RALYL: variants seen among roughly 807,000 people sequenced by gnomAD.
RALYL encodes RALY RNA binding protein like.
Under a neutral mutation model 35.1 loss-of-function variants are expected in RALYL, and 29 were observed. The ratio of observed to expected loss-of-function variants is 0.83; its 90% confidence interval spans 0.61 to 1.13. The LOEUF is 1.13. Ranked by LOEUF, RALYL falls within the 50% of genes most tolerant of loss-of-function variation. RALYL has a pLI of 0.00. For missense variants in RALYL, 359 were observed against 360.4 expected (o/e 1.00, Z 0.03); for synonymous variants, 120 against 127.6 (o/e 0.94, Z 0.40).
intron 2 of RALYL, among the ~76,000 whole-genome samples, chr8:84,701,901 A>T (rs1840268326): frequency 6.6e-6 from 1 of 152,086 alleles, no homozygotes; most frequent in Non-Finnish European, 1.5e-5. Context: ...GTATCCCTTC[A>T]CCTCACATGG....
At chr8:84,343,214 T>C (rs73294916) in intron 1 of RALYL, among the ~76,000 whole-genome samples, 9,969 of 152,208 alleles carry the variant, frequency 0.065, 423 homozygotes, top group African/African-American at 0.087. Flanking sequence ...ATACTATTAA[T>C]GAGTTATATT....
intron 2 of RALYL, among the ~76,000 whole-genome samples, chr8:84,539,878 GTATA>G (rs371459024): frequency 0.049 from 3,684 of 75,118 alleles, 115 homozygotes; most frequent in East Asian, 0.14. Flanking sequence ...ATATATATAT[GTATA>G]TATATGTGTG....
chr8:84,607,608 G>A (rs1817425149), intron 2 of RALYL, among the ~76,000 whole-genome samples: 1 of 152,102 alleles, frequency 6.6e-6, no homozygotes, highest in African/African-American at 2.4e-5. Flanking sequence ...TTAGGAAACT[G>A]CAGAAAGCAG....
At chr8:84,911,632 C>T (rs1317814877) in intron 8 of RALYL, among the ~76,000 whole-genome samples, 1 of 151,990 alleles carries the variant, frequency 6.6e-6, no homozygotes, top group Non-Finnish European at 1.5e-5. Flanking sequence ...AGATAGCATC[C>T]GAACCCACAG....
chr8:84,333,111 T>A (rs1212940268), intron 1 of RALYL, among the ~76,000 whole-genome samples: 3 of 152,202 alleles, frequency 2.0e-5, no homozygotes, highest in African/African-American at 7.2e-5. Flanking sequence ...CTTGTTATTT[T>A]GTTTTTGTTT....
At chr8:84,881,967 C>T (rs1842235992) in intron 7 of RALYL, among the ~76,000 whole-genome samples, 1 of 151,846 alleles carries the variant, frequency 6.6e-6, no homozygotes, top group Admixed American at 6.6e-5. Context: ...ACTGTGTGAC[C>T]ATGAGCACTT....
intron 1 of RALYL, among the ~76,000 whole-genome samples, chr8:84,339,740 G>A (rs1848453750): frequency 6.6e-6 from 1 of 151,926 alleles, no homozygotes; most frequent in Non-Finnish European, 1.5e-5. Context: ...CGTAAGCATA[G>A]GGATGTGACA....
At chr8:84,880,052 T>C (rs945181277) in intron 7 of RALYL, among the ~76,000 whole-genome samples, 1 of 152,098 alleles carries the variant, frequency 6.6e-6, no homozygotes, top group African/African-American at 2.4e-5. Flanking sequence ...TTGGGGGATG[T>C]TGGAGGAGGA....
At chr8:84,550,485 T>A (rs932059539) in intron 2 of RALYL, among the ~76,000 whole-genome samples, 2 of 152,050 alleles carry the variant, frequency 1.3e-5, no homozygotes, top group African/African-American at 4.8e-5. Flanking sequence ...AGTTCTAGAC[T>A]GCAAATAGTA....
At chr8:84,741,921 G>T (rs1807451447) in intron 2 of RALYL, among the ~76,000 whole-genome samples, 1 of 151,528 alleles carries the variant, frequency 6.6e-6, no homozygotes, top group Non-Finnish European at 1.5e-5. Context: ...CATTAGACAG[G>T]TCTATTATTT....
chr8:84,503,247 A>G (rs2056859841), intron 1 of RALYL, among the ~76,000 whole-genome samples: 1 of 151,934 alleles, frequency 6.6e-6, no homozygotes, highest in Non-Finnish European at 1.5e-5. Context: ...TCCTGAGCTC[A>G]AGGGATTCTT....
intron 2 of RALYL, among the ~76,000 whole-genome samples, chr8:84,588,974 T>G (rs1360349362): frequency 1.3e-5 from 2 of 152,116 alleles, no homozygotes; most frequent in Non-Finnish European, 2.9e-5. Flanking sequence ...CTGGCCTCAC[T>G]GCAACCTCCG....
chr8:84,710,321 C>G (rs1184793191), intron 2 of RALYL, among the ~76,000 whole-genome samples: 3 of 151,898 alleles, frequency 2.0e-5, no homozygotes, highest in Non-Finnish European at 4.4e-5. Context: ...TGTTTTGAGA[C>G]AGAGCCTCAC....
chr8:84,807,264 G>A (rs926163846), intron 4 of RALYL, among the ~76,000 whole-genome samples: 2 of 152,142 alleles, frequency 1.3e-5, no homozygotes, highest in East Asian at 1.9e-4. Flanking sequence ...CACATACGAT[G>A]TTTGGTTTTC....
At chr8:84,717,285 A>G (rs962204370) in intron 2 of RALYL, among the ~76,000 whole-genome samples, 6 of 152,184 alleles carry the variant, frequency 3.9e-5, no homozygotes, top group Non-Finnish European at 8.8e-5. Flanking sequence ...ACCATTTCTT[A>G]TATATTAGAA....
At chr8:84,766,530 AAAATAAAT>A (rs10695999) in intron 2 of RALYL, among the ~76,000 whole-genome samples, 2,250 of 125,018 alleles carry the variant, frequency 0.018, 71 homozygotes, top group African/African-American at 0.063. Context: ...CATCTCTACT[AAAATAAAT>A]AAATAAATAA....
At chr8:84,579,216 C>G (rs879867634) in intron 2 of RALYL, among the ~76,000 whole-genome samples, 2 of 152,202 alleles carry the variant, frequency 1.3e-5, no homozygotes, top group Admixed American at 6.5e-5. Context: ...CCACCCCAAG[C>G]ATGCACACAC....
At chr8:84,188,987 G>A (rs1419619940) in intron 1 of RALYL, among the ~76,000 whole-genome samples, 1 of 152,144 alleles carries the variant, frequency 6.6e-6, no homozygotes, top group African/African-American at 2.4e-5. Flanking sequence ...TAGAGGCATT[G>A]GTTTAATGTC....
At chr8:84,232,293 G>T (rs994424880) in intron 1 of RALYL, among the ~76,000 whole-genome samples, 2 of 152,060 alleles carry the variant, frequency 1.3e-5, no homozygotes, top group African/African-American at 4.8e-5. Flanking sequence ...CATATACATG[G>T]TGGAAGAAAA....
Sources: gnomAD v4.1 joint callset for allele counts (sites outside exome capture counted in the v4.1 genomes callset) on GRCh38, gnomAD v4.1.1 for gene constraint, MANE v1.5 for transcripts, NCBI Gene and HGNC (gene_info 2026-07-23, HGNC 2026-07-21) for gene names.